The following DGUOK variants were observed in gnomAD, a reference collection of about 807,000 sequenced individuals.
The protein encoded by DGUOK is deoxyguanosine kinase, also known as deoxyguanosine kinase, mitochondrial.
Under a neutral mutation model 36.6 loss-of-function variants are expected in DGUOK, and 30 were observed. The ratio of observed to expected loss-of-function variants is 0.82; its 90% CI spans 0.61 to 1.11. The LOEUF (loss-of-function observed/expected upper bound fraction) is 1.11, where lower values mean the gene tolerates loss of function less well. Among genes scored for constraint, DGUOK ranks in the 50% most tolerant of loss-of-function variants. The probability of loss-of-function intolerance (pLI) is 0.00; values close to 1 mark genes in which losing one functional copy is unlikely to be tolerated. For synonymous variants in DGUOK, 145 were observed against 126.3 expected, an observed-to-expected ratio of 1.15 and a Z score of -0.99; for missense variants, 361 against 336.4, an observed-to-expected ratio of 1.07 and a Z score of -0.57.
At chr2:73,941,876 TA>T (rs1248133360) in intron 2 of DGUOK, among the ~76,000 whole-genome samples, 2 of 151,928 alleles carry the variant, frequency 1.3e-5, no homozygotes, top group Admixed American at 1.3e-4. Flanking sequence ...ATGTTAAGTA[TA>T]TTAACTCTGT....
intron 3 of DGUOK, among the ~76,000 whole-genome samples, chr2:73,949,747 A>AG (rs1466895929): frequency 6.6e-6 from 1 of 152,202 alleles, no homozygotes; most frequent in South Asian, 2.1e-4. Context: ...TCCCTTGCTT[A>AG]GGATGCAAAT....
At chr2:73,934,998 C>T (rs950105552) in intron 1 of DGUOK, among the ~76,000 whole-genome samples, 1 of 152,098 alleles carries the variant, frequency 6.6e-6, no homozygotes, top group African/African-American at 2.4e-5. Context: ...ATCGCTTGAA[C>T]CCAGGAAACA....
chr2:73,927,121 C>T, intron 1 of DGUOK, 69 bp downstream of exon 1: 3 of 1,595,148 alleles, frequency 1.9e-6, no homozygotes, highest in Non-Finnish European at 2.5e-6. Context: ...GGGAAAGGAG[C>T]TGGGCCCGGA....
intron 1 of DGUOK, among the ~76,000 whole-genome samples, chr2:73,931,054 C>T (rs1361160733): frequency 6.6e-6 from 1 of 152,092 alleles, no homozygotes; most frequent in Non-Finnish European, 1.5e-5. Flanking sequence ...CTTCGGCCTC[C>T]CAAAGTGCTG....
intron 1 of DGUOK, among the ~76,000 whole-genome samples, chr2:73,934,585 T>G (rs1681309464): frequency 6.6e-6 from 1 of 151,990 alleles, no homozygotes; most frequent in African/African-American, 2.4e-5. Flanking sequence ...AAACCCTGTC[T>G]CTACTAAAAA....
chr2:73,945,887 G>T lies in DGUOK; in HGVS notation c.256-832G>T, dbSNP rs192430649. On this transcript the variant is annotated intron_variant, in intron 2 of 6. Coordinates refer to ENST00000264093, the MANE Select transcript of DGUOK (RefSeq NM_080916.3). ...AAAATACAAAAATTAGCTTGTCGTG[G>T]TGGCGGGTGCCTGTGATCCCAGCCA... Among the ~76,000 whole-genome samples, 891 of 152,228 alleles carry T rather than the reference G, an allele frequency of 5.9e-3. 11 individuals carry two copies. Among genetic ancestry groups the T allele is most frequent in the African/African-American group, 0.019 (780 of 41,524 alleles).
chr2:73,932,483 CAGATTCT>C, intron 1 of DGUOK: 1 of 539,306 alleles, frequency 1.9e-6, no homozygotes, highest in Non-Finnish European at 3.1e-6. Context: ...CAGTACTGAC[CAGATTCT>C]TGAATCCTGT....
chr2:73,953,369 G>T (rs1286852222), intron 4 of DGUOK, among the ~76,000 whole-genome samples: 2 of 151,928 alleles, frequency 1.3e-5, no homozygotes, highest in Non-Finnish European at 2.9e-5. Context: ...ATTTCAGCTG[G>T]AGTAGAATGA....
chr2:73,929,073 T>C (rs994326052), intron 1 of DGUOK, among the ~76,000 whole-genome samples: 5 of 152,158 alleles, frequency 3.3e-5, no homozygotes, highest in Non-Finnish European at 7.4e-5. Flanking sequence ...GATAGACTCC[T>C]GATTTTCTTT....
intron 1 of DGUOK, among the ~76,000 whole-genome samples, chr2:73,933,057 G>A (rs939442580): frequency 9.9e-5 from 15 of 152,166 alleles, no homozygotes; most frequent in Admixed American, 2.0e-4. Context: ...AACCAGAAAA[G>A]AGGAAACTCT....
chr2:73,949,657 C>T (rs1682572110), intron 3 of DGUOK, among the ~76,000 whole-genome samples: 1 of 152,176 alleles, frequency 6.6e-6, no homozygotes, highest in African/African-American at 2.4e-5. Context: ...CTGTACTTTC[C>T]TGAGCCATCA....
At chr2:73,935,484 A>G (rs1426832370) in intron 1 of DGUOK, among the ~76,000 whole-genome samples, 2 of 152,228 alleles carry the variant, frequency 1.3e-5, no homozygotes, top group African/African-American at 4.8e-5. Flanking sequence ...AAGGGAAAAA[A>G]AAAATCTATG....
intron 4 of DGUOK, among the ~76,000 whole-genome samples, chr2:73,953,647 T>TA (rs1462397766): frequency 6.6e-6 from 1 of 151,640 alleles, no homozygotes; most frequent in Non-Finnish European, 1.5e-5. Context: ...CCCTCGTAAA[T>TA]ACTGAGTTTC....
intron 2 of DGUOK, among the ~76,000 whole-genome samples, chr2:73,945,557 G>A (rs947853480): frequency 6.6e-6 from 1 of 152,182 alleles, no homozygotes; most frequent in Non-Finnish European, 1.5e-5. Context: ...CTGTTTTGAA[G>A]ATTAATTGAG....
intron 1 of DGUOK, among the ~76,000 whole-genome samples, chr2:73,932,312 C>T (rs1240731721): frequency 1.3e-5 from 2 of 152,190 alleles, no homozygotes; most frequent in South Asian, 4.1e-4. Flanking sequence ...TCACTGCCTC[C>T]TCTGTGGGCT....
Position 73,926,928 on chromosome 2 carries a change from C to G in DGUOK, c.18C>G (p.Leu6=), listed in dbSNP as rs1054034625. 1.1e-5 allele frequency: 18 copies of G among 1,613,486 alleles called. No homozygotes were observed. In the Middle Eastern group the frequency reaches 4.9e-4, roughly 44 times the overall value. MAAGR[L]FLSRLRAPFS... ...TGGGTGGGATGGCCGCGGGCCGCCT[C>G]TTTCTAAGTCGGCTTCGAGCACCCT... Residue 6 remains leucine (L), a synonymous_variant, in exon 1 of 7, where the codon CTC becomes CTG. Transcript: ENST00000264093.
chr2:73,927,464 C>T lies in DGUOK; in HGVS notation c.142+412C>T, dbSNP rs140298066. On this transcript the variant is annotated intron_variant, in intron 1 of 6. Coordinates refer to ENST00000264093, the MANE Select transcript of DGUOK (RefSeq NM_080916.3). ...TAACGAATAATTTTTAGTGTGTGTC[C>T]AATGCAATATTTGGGACATCCTTAC... 5.5e-3 allele frequency among the ~76,000 whole-genome samples: 838 copies of T among 152,226 alleles called. 5 individuals are homozygous for T. The highest frequency in any genetic ancestry group is 0.017 in the Middle Eastern group (5 of 294).
chr2:73,944,707 T>C (rs1004776113), intron 2 of DGUOK, among the ~76,000 whole-genome samples: 2 of 152,220 alleles, frequency 1.3e-5, no homozygotes, highest in African/African-American at 4.8e-5. Flanking sequence ...TTTTACATTT[T>C]TGGTTCCAGA....
At position 73,926,927 on chromosome 2, in the gene DGUOK, T is replaced by C. The variant is rs372855715; in HGVS notation, c.17T>C (p.Leu6Pro). Residue 6 changes from leucine (L) to proline (P), a missense_variant, in exon 1 of 7, where the codon CTC (leucine) becomes CCC (proline). Coordinates refer to ENST00000264093, the MANE Select transcript of DGUOK (RefSeq NM_080916.3). ...GTGGGTGGGATGGCCGCGGGCCGCCTCTTTCTAAGTCGGCTTCGAGCACCC... is the reference window on the plus strand; with the variant it reads ...GTGGGTGGGATGGCCGCGGGCCGCCCCTTTCTAAGTCGGCTTCGAGCACCC... MAAGR[L>P]FLSRLRAPFS... The C allele has an allele frequency of 6.2e-7, 1 of 1,613,496 alleles. No individual in the cohort carries two copies. Among genetic ancestry groups the C allele is most frequent in the Non-Finnish European group, 8.5e-7 (1 of 1,180,024 alleles).
Sources: gnomAD v4.1 joint callset for allele counts (sites outside exome capture counted in the v4.1 genomes callset) on GRCh38, gnomAD v4.1.1 for gene constraint, MANE v1.5 for transcripts, NCBI Gene and HGNC (gene_info 2026-07-23, HGNC 2026-07-21) for gene names.